Variants in ACER3 observed in about 807,000 individuals in gnomAD.
The protein encoded by ACER3 is alkCDase 3.
Under a neutral mutation model 48.9 loss-of-function variants are expected in ACER3, and 16 were observed. That is an observed-to-expected ratio of 0.33 (90% CI 0.22 to 0.50). The LOEUF is 0.50. Ranked by LOEUF, ACER3 falls within the 20% of genes least tolerant of loss-of-function variation. The pLI, the probability that ACER3 is intolerant of heterozygous loss-of-function variation, is 0.98. For missense variants in ACER3, 227 were observed against 326.0 expected, an observed-to-expected ratio of 0.70 and a Z score of 2.34; for synonymous variants, 109 against 107.8, an observed-to-expected ratio of 1.01 and a Z score of -0.07.
At chr11:76,951,970 C>T (rs1351750000) in intron 2 of ACER3, among the ~76,000 whole-genome samples, 1 of 152,134 alleles carries the variant, frequency 6.6e-6, no homozygotes, top group Non-Finnish European at 1.5e-5. Context: ...AACATTATTT[C>T]TTGGATGCTT....
intron 2 of ACER3, among the ~76,000 whole-genome samples, chr11:76,934,292 C>T (rs1322790021): frequency 3.3e-5 from 5 of 152,190 alleles, no homozygotes; most frequent in African/African-American, 9.7e-5. Flanking sequence ...GGGTGGCGGC[C>T]GGGCAGAGGC....
chr11:76,915,436 C>G (rs970612147), intron 1 of ACER3, among the ~76,000 whole-genome samples: 18 of 151,850 alleles, frequency 1.2e-4, no homozygotes, highest in Admixed American at 3.3e-4. Flanking sequence ...TGGAGCGTAC[C>G]CACCCCCCCG....
chr11:76,959,331 C>T, intron 3 of ACER3: 1 of 798,090 alleles, frequency 1.3e-6, no homozygotes, highest in African/African-American at 1.8e-5. Context: ...ATAATCAGTT[C>T]ACCAGAACAA....
At chr11:76,938,245 G>T (rs774250842) in intron 2 of ACER3, among the ~76,000 whole-genome samples, 5 of 151,736 alleles carry the variant, frequency 3.3e-5, no homozygotes, top group Admixed American at 6.6e-5. Context: ...GAACTCCTGG[G>T]CTCAAGCGAT....
intron 2 of ACER3, among the ~76,000 whole-genome samples, chr11:76,938,604 C>A (rs1260160460): frequency 1.3e-5 from 2 of 152,142 alleles, no homozygotes; most frequent in Non-Finnish European, 2.9e-5. Flanking sequence ...CAGGTGTGAG[C>A]CAGCATGTCT....
intron 1 of ACER3, among the ~76,000 whole-genome samples, chr11:76,918,259 GT>G (rs138666652): frequency 1.6e-4 from 24 of 148,212 alleles, no homozygotes; most frequent in Admixed American, 7.4e-4. Context: ...TTGGTTTCCT[GT>G]TTTTTTTTTC....
intron 3 of ACER3, among the ~76,000 whole-genome samples, chr11:76,973,525 C>T (rs545636012): frequency 6.6e-6 from 1 of 152,274 alleles, no homozygotes; most frequent in African/African-American, 2.4e-5. Flanking sequence ...ACCCTCAGCT[C>T]CTCCACCCAG....
chr11:76,901,701 AG>A (rs1224844611), intron 1 of ACER3, among the ~76,000 whole-genome samples: 1 of 152,174 alleles, frequency 6.6e-6, no homozygotes, highest in Non-Finnish European at 1.5e-5. Context: ...TTGAGCAAGC[AG>A]GGGGTACGTG....
chr11:76,958,601 A>G (rs963179876), intron 2 of ACER3, among the ~76,000 whole-genome samples: 2 of 152,250 alleles, frequency 1.3e-5, no homozygotes, highest in African/African-American at 4.8e-5. Flanking sequence ...CAACAAGTTC[A>G]GGAACAAACT....
chr11:76,995,939 T>A (rs1346294693), intron 6 of ACER3, among the ~76,000 whole-genome samples: 1 of 152,214 alleles, frequency 6.6e-6, no homozygotes, highest in Non-Finnish European at 1.5e-5. Context: ...TTTTAAACTA[T>A]AGACCTAGGA....
intron 1 of ACER3, among the ~76,000 whole-genome samples, chr11:76,870,384 T>C (rs902128528): frequency 2.0e-5 from 3 of 152,158 alleles, no homozygotes; most frequent in Non-Finnish European, 4.4e-5. Context: ...TCCTCCCACC[T>C]CAGCCTGCCA....
At chr11:77,018,537 G>A (rs1018665430) in intron 9 of ACER3, among the ~76,000 whole-genome samples, 9 of 152,234 alleles carry the variant, frequency 5.9e-5, no homozygotes, top group Non-Finnish European at 1.2e-4. Flanking sequence ...AACGTATGTT[G>A]AAAGCTGAGA....
chr11:76,997,412 G>T (rs1445907934), intron 6 of ACER3, among the ~76,000 whole-genome samples: 1 of 152,006 alleles, frequency 6.6e-6, no homozygotes, highest in Non-Finnish European at 1.5e-5. Flanking sequence ...GTGAGTATAG[G>T]GATTATGCCT....
chr11:76,930,039 G>T (rs1590946534), intron 2 of ACER3, among the ~76,000 whole-genome samples: 1 of 151,508 alleles, frequency 6.6e-6, no homozygotes, highest in Admixed American at 6.6e-5. Context: ...GTTTCAGAAG[G>T]AATGGTACCA....
At chr11:76,972,721 T>C (rs1948337120) in intron 3 of ACER3, among the ~76,000 whole-genome samples, 1 of 152,202 alleles carries the variant, frequency 6.6e-6, no homozygotes, top group African/African-American at 2.4e-5. Flanking sequence ...AACTGGGCAT[T>C]CTGAGGGTGC....
chr11:77,016,107 A>AG (rs58843804), intron 8 of ACER3, among the ~76,000 whole-genome samples: 95,159 of 127,476 alleles, frequency 0.75, 33,106 homozygotes, highest in Non-Finnish European at 0.79. Flanking sequence ...ACTCCGTCTC[A>AG]GGGAAAAAAA....
At chr11:76,895,269 T>G (rs938045193) in intron 1 of ACER3, among the ~76,000 whole-genome samples, 25 of 152,202 alleles carry the variant, frequency 1.6e-4, no homozygotes, top group Non-Finnish European at 1.0e-4. Flanking sequence ...ATCTCTTCTA[T>G]ATCTCAATAT....
At chr11:76,893,811 CT>C (rs1324174797) in intron 1 of ACER3, among the ~76,000 whole-genome samples, 1 of 152,256 alleles carries the variant, frequency 6.6e-6, no homozygotes, top group South Asian at 2.1e-4. Flanking sequence ...TTCAAACTAC[CT>C]TTTTTTAATC....
chr11:76,881,093 A>G (rs1304130673), intron 1 of ACER3, among the ~76,000 whole-genome samples: 1 of 152,010 alleles, frequency 6.6e-6, no homozygotes, highest in African/African-American at 2.4e-5. Context: ...CATCTCTACA[A>G]AAATAAAAGA....
Sources: allele counts gnomAD v4.1 joint callset (sites outside exome capture counted in the v4.1 genomes callset), GRCh38; gene constraint gnomAD v4.1.1; transcripts MANE v1.5; gene names NCBI Gene and HGNC (gene_info 2026-07-23, HGNC 2026-07-21).